Variants in TTLL11 observed in about 807,000 individuals in gnomAD.
TTLL11 encodes the protein tubulin tyrosine ligase like 11.
Under a neutral mutation model 51.7 loss-of-function variants are expected in TTLL11, and 42 were observed. The ratio of observed to expected loss-of-function variants is 0.81; its 90% CI spans 0.64 to 1.05. The LOEUF is 1.05. Among genes scored for constraint, TTLL11 ranks in the 50% least tolerant of loss-of-function variants. The pLI, the probability that TTLL11 is intolerant of heterozygous loss-of-function variation, is 0.00. For missense variants in TTLL11, 799 were observed against 940.4 expected (o/e 0.85, Z 1.97); for synonymous variants, 381 against 383.5 (o/e 0.99, Z 0.08).
In TTLL11 at chr9:122,092,678, G is replaced by A; in HGVS notation, c.462+9C>T. The A allele has an allele frequency of 1.3e-6, 2 of 1,536,634 alleles. No individual in the cohort carries two copies. Among genetic ancestry groups the A allele is most frequent in the Non-Finnish European group, 1.7e-6 (2 of 1,146,752 alleles). ...TGTGCCCACGCGGCCGGGTCGGGCCGGGCCTCACCTCCTTCCACTTGAGCT... is the reference window on the plus strand; with the variant it reads ...TGTGCCCACGCGGCCGGGTCGGGCCAGGCCTCACCTCCTTCCACTTGAGCT... On this transcript the variant is annotated intron_variant, in intron 1 of 8. Coordinates refer to ENST00000321582, the MANE Select transcript of TTLL11 (RefSeq NM_001139442.2).
chr9:122,093,119 C>A lies in TTLL11; in HGVS notation c.30G>T (p.Leu10=). ...CCGCCTCCGCCTCCCACCGGGCCGC[C>A]AGCTCGCTCTCGGAGCTGCCCCGCC... MRRGSSESE[L]AARWEAEAVA... The change falls in exon 1 of 9, where the codon CTG becomes CTT. Residue 10 remains leucine (L), a synonymous_variant. Transcript: ENST00000321582. The A allele has an allele frequency of 6.7e-7, 1 of 1,495,764 alleles. No homozygotes were observed. Among genetic ancestry groups the A allele is most frequent in the African/African-American group, 1.5e-5 (1 of 68,748 alleles). The allele number at this position is 1,495,764 out of a possible 1,614,324, so 92.7% of individuals were successfully genotyped here. A position where few individuals can be genotyped will look rare whatever the true frequency, so the allele number is the denominator to read the frequency against.
chr9:121,922,671 G>A (rs903652149), intron 6 of TTLL11, among the ~76,000 whole-genome samples: 6 of 152,104 alleles, frequency 3.9e-5, no homozygotes, highest in Non-Finnish European at 7.4e-5. Flanking sequence ...CCATGATAAT[G>A]AGAGAGTATG....
chr9:121,837,814 G>A (rs998445931), intron 8 of TTLL11, among the ~76,000 whole-genome samples: 1 of 152,084 alleles, frequency 6.6e-6, no homozygotes, highest in Non-Finnish European at 1.5e-5. Flanking sequence ...CAAACGCCTG[G>A]GTACCTTCCA....
At chr9:122,036,969 GTGGAATA>G (rs1307678652) in intron 2 of TTLL11, among the ~76,000 whole-genome samples, 1 of 152,208 alleles carries the variant, frequency 6.6e-6, no homozygotes, top group Admixed American at 6.5e-5. Flanking sequence ...TCACCGGCAT[GTGGAATA>G]TGGGATGGGG....
At chr9:121,923,202 C>T (rs1010939703) in intron 6 of TTLL11, among the ~76,000 whole-genome samples, 6 of 152,112 alleles carry the variant, frequency 3.9e-5, no homozygotes, top group Non-Finnish European at 5.9e-5. Flanking sequence ...TGTCTGATTA[C>T]GGGGATAAAT....
intron 3 of TTLL11, among the ~76,000 whole-genome samples, chr9:122,005,650 A>C (rs1843619833): frequency 6.6e-6 from 1 of 152,176 alleles, no homozygotes; most frequent in Non-Finnish European, 1.5e-5. Context: ...AATCAGGCAA[A>C]CCAGTAGTAT....
intron 3 of TTLL11, among the ~76,000 whole-genome samples, chr9:122,013,797 T>A (rs1197717387): frequency 6.6e-6 from 1 of 152,128 alleles, no homozygotes; most frequent in African/African-American, 2.4e-5. Flanking sequence ...GACCCCAGCA[T>A]TAGCAAGATG....
chr9:121,997,860 G>A (rs1480275505), intron 3 of TTLL11, among the ~76,000 whole-genome samples: 1 of 151,884 alleles, frequency 6.6e-6, no homozygotes, highest in East Asian at 1.9e-4. Flanking sequence ...CCTGAGACTC[G>A]GCTGTTTCCT....
At chr9:121,935,446 A>T in intron 6 of TTLL11, among the ~76,000 whole-genome samples, 1 of 152,202 alleles carries the variant, frequency 6.6e-6, no homozygotes, top group East Asian at 1.9e-4. Flanking sequence ...CCACTTATAG[A>T]ACTGCTGGTC....
chr9:121,954,245 G>A (rs538419672), intron 6 of TTLL11, among the ~76,000 whole-genome samples: 1 of 152,294 alleles, frequency 6.6e-6, no homozygotes, highest in East Asian at 1.9e-4. Flanking sequence ...CATAGGCCAA[G>A]TCAACAGGCC....
At chr9:121,941,730 C>T (rs531398917) in intron 6 of TTLL11, among the ~76,000 whole-genome samples, 1 of 152,312 alleles carries the variant, frequency 6.6e-6, no homozygotes, top group South Asian at 2.1e-4. Context: ...CCTTCTAGTT[C>T]TCCCTGACCC....
intron 1 of TTLL11, among the ~76,000 whole-genome samples, chr9:122,075,222 G>T (rs1000330256): frequency 6.6e-6 from 1 of 152,144 alleles, no homozygotes; most frequent in Admixed American, 6.5e-5. Flanking sequence ...TTTCCTTGAG[G>T]AATGGGTCCC....
chr9:121,860,497 A>C, intron 7 of TTLL11, 54 bp from the exon 8 acceptor site: 1 of 1,405,498 alleles, frequency 7.1e-7, no homozygotes, highest in Non-Finnish European at 9.8e-7. Flanking sequence ...TGTCCTGTCT[A>C]TCTCTCCTCC....
intron 8 of TTLL11, among the ~76,000 whole-genome samples, chr9:121,859,316 C>T (rs948841380): frequency 7.0e-6 from 1 of 143,028 alleles, no homozygotes; most frequent in Non-Finnish European, 1.5e-5. Flanking sequence ...CATGATGAAA[C>T]CCTGTCTCTA....
At position 121,921,724 on chromosome 9, in the gene TTLL11, G is replaced by A. The variant is rs560224328; in HGVS notation, c.1482-50976C>T. On this transcript the variant is annotated intron_variant, in intron 6 of 8. Transcript: ENST00000321582. Reference sequence around the variant, plus strand: ...TTGGGGATAGTTAGACAAAGAGGGAGCAGGGGATTGAAAATAGAGAATGGA... The same window carrying A: ...TTGGGGATAGTTAGACAAAGAGGGAACAGGGGATTGAAAATAGAGAATGGA... 3.9e-5 allele frequency among the ~76,000 whole-genome samples: 6 copies of A among 152,336 alleles called. No homozygotes were observed. The South Asian group carries it at 6.2e-4, about 16-fold the overall frequency.
At chr9:121,855,036 C>A (rs1001415750) in intron 8 of TTLL11, among the ~76,000 whole-genome samples, 2 of 152,188 alleles carry the variant, frequency 1.3e-5, no homozygotes, top group African/African-American at 4.8e-5. Context: ...GAGGTGAAGG[C>A]AAGCCCATTT....
chr9:121,858,709 T>C (rs1297251248), intron 8 of TTLL11, among the ~76,000 whole-genome samples: 1 of 152,122 alleles, frequency 6.6e-6, no homozygotes, highest in Non-Finnish European at 1.5e-5. Context: ...TAAGATAAAC[T>C]GCCTCGCACC....
At chr9:121,896,089 GTTGTGTGTGT>G (rs1839510094) in intron 6 of TTLL11, among the ~76,000 whole-genome samples, 3 of 151,568 alleles carry the variant, frequency 2.0e-5, no homozygotes, top group Non-Finnish European at 4.4e-5. Context: ...TGCCCGTTTG[GTTGTGTGTGT>G]TTGTGTGTGT....
At chr9:121,911,747 A>G (rs1288954232) in intron 6 of TTLL11, among the ~76,000 whole-genome samples, 1 of 152,132 alleles carries the variant, frequency 6.6e-6, no homozygotes, top group African/African-American at 2.4e-5. Context: ...ACACATGGAC[A>G]CGGAGGGGAA....
Sources: gnomAD v4.1 joint callset for allele counts (sites outside exome capture counted in the v4.1 genomes callset) on GRCh38, gnomAD v4.1.1 for gene constraint, MANE v1.5 for transcripts, NCBI Gene and HGNC (gene_info 2026-07-23, HGNC 2026-07-21) for gene names.